Variants in AUTS2 observed in about 807,000 individuals in gnomAD.
The protein encoded by AUTS2 is autism susceptibility gene 2 protein.
A neutral mutation model predicts 112.4 loss-of-function variants in AUTS2; 17 were observed. The observed-to-expected ratio is 0.15, with a 90% CI of 0.10 to 0.23. AUTS2 has a LOEUF of 0.23. Among genes scored for constraint, AUTS2 ranks in the 10% least tolerant of loss-of-function variants. The probability of loss-of-function intolerance (pLI) is 1.00; values close to 1 mark genes in which losing one functional copy is unlikely to be tolerated. For synonymous variants in AUTS2, 751 were observed against 702.7 expected (o/e 1.07, Z -1.09); for missense variants, 1,510 against 1,701.6 (o/e 0.89, Z 1.98).
chr7:69,847,749 G>A (rs1191332567), intron 1 of AUTS2, among the ~76,000 whole-genome samples: 1 of 152,188 alleles, frequency 6.6e-6, no homozygotes, highest in Non-Finnish European at 1.5e-5. Flanking sequence ...ACGTGAGAGC[G>A]AGGAGGGAGC....
intron 2 of AUTS2, among the ~76,000 whole-genome samples, chr7:70,031,446 T>A (rs1800775623): frequency 6.6e-6 from 1 of 152,186 alleles, no homozygotes; most frequent in South Asian, 2.1e-4. Flanking sequence ...ACGTCCTGAT[T>A]AGCATTTATC....
At chr7:70,758,674 A>T (rs1020461302) in intron 6 of AUTS2, among the ~76,000 whole-genome samples, 2 of 152,244 alleles carry the variant, frequency 1.3e-5, no homozygotes, top group African/African-American at 4.8e-5. Context: ...CTCAATTTGT[A>T]CATTCTTATG....
At chr7:70,777,312 A>T in intron 14 of AUTS2, 138 bp downstream of exon 14, 1 of 784,380 alleles carries the variant, frequency 1.3e-6, no homozygotes, top group Non-Finnish European at 2.1e-6. Flanking sequence ...CCTCTCTTGG[A>T]AAAGCTACTC....
chr7:70,365,506 G>A (rs1054815227), intron 4 of AUTS2, among the ~76,000 whole-genome samples: 1 of 152,092 alleles, frequency 6.6e-6, no homozygotes, highest in African/African-American at 2.4e-5. Flanking sequence ...GACAGAGAAC[G>A]TAAATGGTAT....
chr7:70,048,630 A>G (rs1161863356), intron 2 of AUTS2, among the ~76,000 whole-genome samples: 1 of 152,178 alleles, frequency 6.6e-6, no homozygotes, highest in Non-Finnish European at 1.5e-5. Flanking sequence ...CAGGTGTCAC[A>G]TTAGTGGCTT....
chr7:69,796,125 T>C (rs1789829633), intron 1 of AUTS2, among the ~76,000 whole-genome samples: 1 of 152,216 alleles, frequency 6.6e-6, no homozygotes, highest in Non-Finnish European at 1.5e-5. Context: ...AAATGACACC[T>C]GAAGTTTTCA....
At chr7:70,066,967 T>C (rs1043437931) in intron 2 of AUTS2, among the ~76,000 whole-genome samples, 3 of 152,256 alleles carry the variant, frequency 2.0e-5, no homozygotes, top group African/African-American at 7.2e-5. Flanking sequence ...TATAGCACTC[T>C]GGAGTGTGAT....
intron 5 of AUTS2, among the ~76,000 whole-genome samples, chr7:70,594,144 C>G (rs1803082235): frequency 6.6e-6 from 1 of 152,140 alleles, no homozygotes; most frequent in Non-Finnish European, 1.5e-5. Context: ...CCCTAGAGGG[C>G]CTCTAACTGT....
At chr7:69,624,797 C>T (rs189156409) in intron 1 of AUTS2, among the ~76,000 whole-genome samples, 46 of 152,282 alleles carry the variant, frequency 3.0e-4, no homozygotes, top group African/African-American at 1.1e-3. Flanking sequence ...ATACCAGAGG[C>T]CTGTTTTGTT....
At chr7:70,439,278 G>A (rs1796022706) in intron 5 of AUTS2, among the ~76,000 whole-genome samples, 1 of 152,184 alleles carries the variant, frequency 6.6e-6, no homozygotes, top group African/African-American at 2.4e-5. Context: ...GGTGGCTGAT[G>A]CCTGTAATCC....
chr7:70,615,760 A>G (rs1349947177), intron 5 of AUTS2, among the ~76,000 whole-genome samples: 2 of 151,944 alleles, frequency 1.3e-5, no homozygotes, highest in African/African-American at 4.8e-5. Flanking sequence ...GTTCTGTTCA[A>G]ATTTTTTTTT....
intron 4 of AUTS2, among the ~76,000 whole-genome samples, chr7:70,185,782 G>A (rs538852937): frequency 1.3e-5 from 2 of 152,308 alleles, no homozygotes; most frequent in African/African-American, 4.8e-5. Context: ...TGGTGTATAT[G>A]TGACTTGAGA....
At chr7:70,142,058 T>C (rs1450059533) in intron 4 of AUTS2, among the ~76,000 whole-genome samples, 1 of 152,212 alleles carries the variant, frequency 6.6e-6, no homozygotes, top group Admixed American at 6.5e-5. Context: ...ACCCTTTCAT[T>C]TTCTCAACAT....
At chr7:69,896,644 G>GT (rs1438619385) in intron 1 of AUTS2, among the ~76,000 whole-genome samples, 1 of 152,072 alleles carries the variant, frequency 6.6e-6, no homozygotes, top group Non-Finnish European at 1.5e-5. Context: ...AGGTTTGGAT[G>GT]TTTTAACTAG....
chr7:69,999,556 G>GT (rs1799094289), intron 2 of AUTS2, among the ~76,000 whole-genome samples: 1 of 152,116 alleles, frequency 6.6e-6, no homozygotes, highest in Non-Finnish European at 1.5e-5. Flanking sequence ...ACCTTTCTCT[G>GT]TTTTTTGTAA....
In AUTS2 at chr7:69,887,960, G is replaced by GT. The variant is rs762503209; in HGVS notation, c.310-11323dup. Among the ~76,000 whole-genome samples the GT allele has an allele frequency of 1.4e-4, 22 of 152,158 alleles. No homozygotes were observed. In the East Asian group the frequency reaches 3.3e-3, roughly 23 times the overall value. Reference sequence around the variant, plus strand: ...TTTAGCATATAGGGGAATAGAAATGGTTTATCCGGGATATGGATGTGGTAA... The same window carrying GT: ...TTTAGCATATAGGGGAATAGAAATGGTTTTATCCGGGATATGGATGTGGTAA... On this transcript the variant is annotated intron_variant, in intron 1 of 18. Transcript: ENST00000342771.
intron 5 of AUTS2, among the ~76,000 whole-genome samples, chr7:70,582,128 T>C (rs1021194419): frequency 2.0e-5 from 3 of 152,132 alleles, no homozygotes; most frequent in Non-Finnish European, 2.9e-5. Flanking sequence ...TGTTTTATTC[T>C]TTGCTCTTAT....
intron 1 of AUTS2, among the ~76,000 whole-genome samples, chr7:69,764,460 T>A (rs890017801): frequency 3.3e-5 from 5 of 151,780 alleles, no homozygotes; most frequent in African/African-American, 1.2e-4. Context: ...AATGGAGAGA[T>A]GTTGAACTGG....
intron 2 of AUTS2, among the ~76,000 whole-genome samples, chr7:70,029,019 T>G (rs1339892565): frequency 6.6e-6 from 1 of 152,198 alleles, no homozygotes; most frequent in East Asian, 1.9e-4. Flanking sequence ...AAGTGCCCTT[T>G]AGCTGTGTAG....
Sources: allele counts gnomAD v4.1 joint callset (sites outside exome capture counted in the v4.1 genomes callset), GRCh38; gene constraint gnomAD v4.1.1; transcripts MANE v1.5; gene names NCBI Gene and HGNC (gene_info 2026-07-23, HGNC 2026-07-21).